CLEC4A: variants seen among roughly 807,000 people sequenced by gnomAD.
The protein encoded by CLEC4A is C-type lectin domain family 4 member A.
In CLEC4A, 27 loss-of-function variants were observed where a neutral mutation model predicts 32.7. The observed-to-expected ratio is 0.83, with a 90% CI of 0.61 to 1.14. The LOEUF (loss-of-function observed/expected upper bound fraction) is 1.14, where lower values mean the gene tolerates loss of function less well. Among genes scored for constraint, CLEC4A ranks in the 50% most tolerant of loss-of-function variants. The pLI is 0.00. For missense variants in CLEC4A, 253 were observed against 274.6 expected (o/e 0.92, Z 0.55); for synonymous variants, 89 against 93.7 (o/e 0.95, Z 0.29).
At chr12:8,137,056 G>T (rs761602379) in intron 5 of CLEC4A, among the ~76,000 whole-genome samples, 153 bp downstream of exon 5, 1 of 152,062 alleles carries the variant, frequency 6.6e-6, no homozygotes, top group South Asian at 2.1e-4. Flanking sequence ...TTTAATCTGC[G>T]CAAGAACCCT....
At chr12:8,121,837 T>C (rs1947833376), upstream of CLEC4A, 1 of 152,848 alleles carries the variant, frequency 6.5e-6, no homozygotes, top group Non-Finnish European at 1.5e-5. Flanking sequence ...TTACCTTCTA[T>C]AGGGAGTCAG....
chr12:8,118,598 G>A, the CLEC4A span, among the ~76,000 whole-genome samples: 393 of 152,264 alleles, frequency 2.6e-3, 3 homozygotes, highest in Non-Finnish European at 2.1e-3. Flanking sequence ...GGGGTGAGGT[G>A]CCACACACTT....
intron 3 of CLEC4A, chr12:8,133,959 C>T: frequency 4.3e-6 from 7 of 1,609,308 alleles, no homozygotes; most frequent in Non-Finnish European, 5.9e-6. Context: ...CCAACAGCCT[C>T]AAAATCCTCT....
intron 3 of CLEC4A, among the ~76,000 whole-genome samples, chr12:8,130,964 C>T (rs1947986494): frequency 6.6e-6 from 1 of 152,136 alleles, no homozygotes. Flanking sequence ...TTAGGCACGT[C>T]TTGGCTGTGG....
At chr12:8,132,312 T>C (rs1175851027) in intron 3 of CLEC4A, among the ~76,000 whole-genome samples, 1 of 152,208 alleles carries the variant, frequency 6.6e-6, no homozygotes. Flanking sequence ...GATTGGAGAA[T>C]AGTGTCCTAT....
At chr12:8,110,015 A>T in the CLEC4A span, among the ~76,000 whole-genome samples, 2 of 152,160 alleles carry the variant, frequency 1.3e-5, no homozygotes, top group Non-Finnish European at 2.9e-5. Flanking sequence ...CATAGTAAGG[A>T]TTTAAATTCT....
At chr12:8,137,393 C>T (rs1948141217) in intron 5 of CLEC4A, among the ~76,000 whole-genome samples, 2 of 152,218 alleles carry the variant, frequency 1.3e-5, no homozygotes, top group African/African-American at 4.8e-5. Context: ...ATCCTCCCAC[C>T]CAAGTCTTCT....
chr12:8,110,214 C>T, the CLEC4A span, among the ~76,000 whole-genome samples: 1 of 152,072 alleles, frequency 6.6e-6, no homozygotes, highest in Non-Finnish European at 1.5e-5. Flanking sequence ...GGGATTCTTA[C>T]TTCTGGGATT....
chr12:8,128,254 T>A (rs1033334963), intron 2 of CLEC4A, among the ~76,000 whole-genome samples: 1 of 151,982 alleles, frequency 6.6e-6, no homozygotes, highest in Non-Finnish European at 1.5e-5. Flanking sequence ...GGGTCAAGCC[T>A]TTAAGGAAGT....
intron 2 of CLEC4A, among the ~76,000 whole-genome samples, chr12:8,126,578 C>A (rs1947905578): frequency 6.6e-6 from 1 of 152,070 alleles, no homozygotes; most frequent in South Asian, 2.1e-4. Flanking sequence ...TTATTAATTT[C>A]TTTGGTCATT....
intron 3 of CLEC4A, chr12:8,134,366 A>T (rs1184332863): frequency 6.2e-7 from 1 of 1,613,022 alleles, no homozygotes; most frequent in Non-Finnish European, 8.5e-7. Flanking sequence ...CGGCCTGTGT[A>T]TATCCCAGGG....
At position 8,134,979 on chromosome 12, in the gene CLEC4A, G is replaced by GTTTGT; in HGVS notation, c.299-603_299-602insGTTTT. The GTTTGT allele has an allele frequency of 9.6e-5, 16 of 166,024 alleles. 2 individuals carry two copies. Among genetic ancestry groups the GTTTGT allele is most frequent in the Non-Finnish European group, 1.0e-4 (12 of 119,486 alleles). The allele number at this position is 166,024 out of a possible 1,614,324, so 10.3% of individuals were successfully genotyped here. A position where few individuals can be genotyped will look rare whatever the true frequency, so the allele number is the denominator to read the frequency against. On this transcript the variant is annotated intron_variant, in intron 3 of 5. Transcript: ENST00000229332. Reference sequence around the variant, plus strand: ...TGTATCTTCTTGTTGAAGCGTTTTTGTTTTTTGTTTTTTTTTAATCATGGC... The same window carrying GTTTGT: ...TGTATCTTCTTGTTGAAGCGTTTTTGTTTGTTTTTTTGTTTTTTTTTAATCATGGC...
chr12:8,127,636 G>C (rs1947925421), intron 2 of CLEC4A, among the ~76,000 whole-genome samples: 1 of 152,198 alleles, frequency 6.6e-6, no homozygotes, highest in African/African-American at 2.4e-5. Flanking sequence ...TGGAGGGAAA[G>C]AGAGGTTAGA....
At chr12:8,113,435 T>A in the CLEC4A span, among the ~76,000 whole-genome samples, 2 of 152,298 alleles carry the variant, frequency 1.3e-5, no homozygotes, top group East Asian at 3.9e-4. Context: ...CTTAGGTGAT[T>A]GGTTTTTGTT....
the CLEC4A span, among the ~76,000 whole-genome samples, chr12:8,110,622 G>T: frequency 1.3e-5 from 2 of 152,084 alleles, no homozygotes; most frequent in East Asian, 3.9e-4. Context: ...GTGTATAACG[G>T]GGTCTTGTGC....
chr12:8,103,378 T>TTTTTTG, the CLEC4A span, among the ~76,000 whole-genome samples: 4 of 17,488 alleles, frequency 2.3e-4, no homozygotes, highest in Admixed American at 1.9e-3. Flanking sequence ...TTTCTGTTGT[T>TTTTTTG]TTTTTTTTTT....
intron 5 of CLEC4A, 30 bp from the exon 6 acceptor site, chr12:8,138,109 GA>G: frequency 6.2e-7 from 1 of 1,606,478 alleles, no homozygotes; most frequent in Non-Finnish European, 8.5e-7. Flanking sequence ...TCTGTTTGAA[GA>G]AATGCCCTCA....
At chr12:8,132,573 A>G (rs1948016832) in intron 3 of CLEC4A, among the ~76,000 whole-genome samples, 1 of 152,146 alleles carries the variant, frequency 6.6e-6, no homozygotes. Flanking sequence ...GGTTTGTTTC[A>G]GCATATGTTC....
In CLEC4A at chr12:8,138,114, G is replaced by A. The variant is rs7302203; in HGVS notation, c.567-26G>A. 9,009 of 1,608,848 alleles carry A rather than the reference G, an allele frequency of 5.6e-3. 425 individuals are homozygous for A. The African/African-American group carries it at 0.1, about 18-fold the overall frequency. The stretch of plus-strand genomic sequence containing the variant: ...TTTTCAAAGCTCTGTTTGAAGAAAT[G>A]CCCTCATCCTTTTTGTCGCTTTCAG... On this transcript the variant is annotated intron_variant, in intron 5 of 5. Coordinates refer to ENST00000229332, the MANE Select transcript of CLEC4A (RefSeq NM_016184.4).
Sources: gnomAD v4.1 joint callset for allele counts (sites outside exome capture counted in the v4.1 genomes callset) on GRCh38, gnomAD v4.1.1 for gene constraint, MANE v1.5 for transcripts, NCBI Gene and HGNC (gene_info 2026-07-23, HGNC 2026-07-21) for gene names.